The following DAAM1 variants were observed in gnomAD, a reference collection of about 807,000 sequenced individuals.
DAAM1 encodes the protein disheveled-associated activator of morphogenesis 1.
DAAM1 carries 52 observed loss-of-function variants against 130.0 expected under a neutral mutation model. That is an observed-to-expected ratio of 0.40 (90% confidence interval 0.32 to 0.50). DAAM1 has a LOEUF of 0.50. Ranked by LOEUF, DAAM1 falls within the 20% of genes least tolerant of loss-of-function variation. The pLI is 0.61. For synonymous variants in DAAM1, 452 were observed against 444.5 expected (o/e 1.02, Z -0.21); for missense variants, 1,134 against 1,303.8 (o/e 0.87, Z 2.01).
At chr14:59,364,603 A>G (rs1453049475) in intron 23 of DAAM1, among the ~76,000 whole-genome samples, 1 of 151,260 alleles carries the variant, frequency 6.6e-6, no homozygotes, top group African/African-American at 2.5e-5. Flanking sequence ...CTTTTACTCT[A>G]CCCATCTCTC....
intron 16 of DAAM1, among the ~76,000 whole-genome samples, chr14:59,341,141 G>C (rs190742305): frequency 2.5e-4 from 38 of 152,286 alleles, no homozygotes; most frequent in African/African-American, 9.1e-4. Flanking sequence ...TTACTTCAGG[G>C]AGCAAATGTT....
At chr14:59,329,780 T>G (rs1377690792) in intron 12 of DAAM1, among the ~76,000 whole-genome samples, 1 of 152,230 alleles carries the variant, frequency 6.6e-6, no homozygotes, top group East Asian at 1.9e-4. Context: ...AGGAAGTCAG[T>G]AAAACTACAG....
intron 1 of DAAM1, among the ~76,000 whole-genome samples, chr14:59,210,053 G>A (rs149556775): frequency 6.6e-6 from 1 of 152,090 alleles, no homozygotes; most frequent in Non-Finnish European, 1.5e-5. Context: ...GAGGTGGGAG[G>A]ATTGCTTGCG....
chr14:59,242,725 A>AT (rs35892834), intron 1 of DAAM1, among the ~76,000 whole-genome samples: 1 of 151,878 alleles, frequency 6.6e-6, no homozygotes. Context: ...CGCCTGGCTA[A>AT]TTTTTTGTAT....
chr14:59,280,993 A>G (rs1433749750), intron 2 of DAAM1, among the ~76,000 whole-genome samples: 5 of 152,054 alleles, frequency 3.3e-5, no homozygotes, highest in Non-Finnish European at 7.4e-5. Flanking sequence ...TTCAGAATGC[A>G]AATATAACCT....
intron 20 of DAAM1, 154 bp from the exon 21 acceptor site, chr14:59,359,243 C>A (rs1183936822): frequency 1.8e-6 from 1 of 567,900 alleles, no homozygotes. Flanking sequence ...ACATGATCCT[C>A]CAAATTTTGA....
chr14:59,190,786 T>G (rs912326859), intron 1 of DAAM1, among the ~76,000 whole-genome samples: 8 of 152,196 alleles, frequency 5.3e-5, no homozygotes, highest in Non-Finnish European at 1.0e-4. Flanking sequence ...GATTCCAAGA[T>G]AGACTTGGTC....
intron 15 of DAAM1, among the ~76,000 whole-genome samples, chr14:59,332,435 T>C (rs770695738): frequency 6.6e-6 from 1 of 152,224 alleles, no homozygotes; most frequent in Non-Finnish European, 1.5e-5. Context: ...CTATATGTCA[T>C]GAACAGAAGT....
rs146162742 is a variant in DAAM1 at position 59,350,421 on chromosome 14, C to G, written c.2161-2105C>G. Reference sequence around the variant, plus strand: ...CACATACACACCTACACACAGTGTGCATACACCCCTGCATGCACACCCTCA... The same window carrying G: ...CACATACACACCTACACACAGTGTGGATACACCCCTGCATGCACACCCTCA... On this transcript the variant is annotated intron_variant, in intron 17 of 24. Coordinates refer to ENST00000360909, the MANE Select transcript of DAAM1 (RefSeq NM_001270520.2). Among the ~76,000 whole-genome samples the G allele has an allele frequency of 3.8e-3, 565 of 150,512 alleles. 8 individuals carry two copies. The highest frequency in any genetic ancestry group is 2.3e-3 in the Non-Finnish European group (154 of 67,708).
chr14:59,355,121 A>G (rs1566721078), intron 19 of DAAM1, 44 bp from the exon 20 acceptor site: 4 of 1,589,438 alleles, frequency 2.5e-6, no homozygotes, highest in Non-Finnish European at 3.4e-6. Context: ...ATTTCAAACA[A>G]CGAAACACTT....
chr14:59,340,217 C>G (rs759280135), intron 16 of DAAM1, 37 bp downstream of exon 16: 1 of 1,579,098 alleles, frequency 6.3e-7, no homozygotes, highest in South Asian at 1.1e-5. Context: ...CTAGTAGGAC[C>G]AACATTTCCA....
At chr14:59,342,967 C>G (rs932829755) in intron 16 of DAAM1, among the ~76,000 whole-genome samples, 7 of 152,170 alleles carry the variant, frequency 4.6e-5, no homozygotes, top group Non-Finnish European at 1.0e-4. Flanking sequence ...TGAATGAAAC[C>G]AGGCAGGAGA....
chr14:59,315,248 G>T, intron 3 of DAAM1, 32 bp from the exon 4 acceptor site: 1 of 1,602,716 alleles, frequency 6.2e-7, no homozygotes, highest in Non-Finnish European at 8.5e-7. Flanking sequence ...TATATGTTGG[G>T]TGGTATGTCA....
intron 1 of DAAM1, among the ~76,000 whole-genome samples, chr14:59,252,952 C>T (rs781618616): frequency 1.7e-3 from 256 of 152,262 alleles, no homozygotes; most frequent in Non-Finnish European, 2.9e-3. Context: ...ATGATCCATC[C>T]ATTTTCTTTT....
intron 4 of DAAM1, among the ~76,000 whole-genome samples, chr14:59,316,078 C>A (rs1760015601): frequency 6.6e-6 from 1 of 152,040 alleles, no homozygotes; most frequent in African/African-American, 2.4e-5. Context: ...ACCTTTGAGC[C>A]TTAGTAGCTT....
intron 2 of DAAM1, among the ~76,000 whole-genome samples, chr14:59,275,500 C>T (rs1468317060): frequency 1.3e-5 from 2 of 151,874 alleles, no homozygotes; most frequent in African/African-American, 4.8e-5. Context: ...GGTGTAAATA[C>T]TGGAAATTTG....
intron 1 of DAAM1, among the ~76,000 whole-genome samples, chr14:59,240,972 G>C (rs1881090524): frequency 6.6e-6 from 1 of 152,234 alleles, no homozygotes; most frequent in African/African-American, 2.4e-5. Flanking sequence ...CTAGTGATCA[G>C]AGTTCCCAAA....
At chr14:59,367,407 C>A in intron 23 of DAAM1, 22 bp from the exon 24 acceptor site, 3 of 1,585,416 alleles carry the variant, frequency 1.9e-6, no homozygotes, top group Non-Finnish European at 2.6e-6. Context: ...ACATTGACTT[C>A]TTAAAACCAT....
chr14:59,317,924 G>A (rs954641541), intron 4 of DAAM1, among the ~76,000 whole-genome samples: 2 of 152,170 alleles, frequency 1.3e-5, no homozygotes, highest in African/African-American at 2.4e-5. Flanking sequence ...ACTTTTCTGA[G>A]ATGGGATAGG....
Sources: allele counts gnomAD v4.1 joint callset (sites outside exome capture counted in the v4.1 genomes callset), GRCh38; gene constraint gnomAD v4.1.1; transcripts MANE v1.5; gene names NCBI Gene and HGNC (gene_info 2026-07-23, HGNC 2026-07-21).